The following DLG2 variants were observed in gnomAD, a reference collection of about 807,000 sequenced individuals.
The protein encoded by DLG2 is discs large MAGUK scaffold protein 2, also known as disks large homolog 2.
DLG2 carries 45 observed loss-of-function variants against 132.5 expected under a neutral mutation model. That is an observed-to-expected ratio of 0.34 (90% confidence interval 0.27 to 0.44). DLG2 has a LOEUF of 0.44. DLG2 is among the 20% of genes least tolerant of loss of function. The probability of loss-of-function intolerance (pLI) is 1.00; values close to 1 mark genes in which losing one functional copy is unlikely to be tolerated. For synonymous variants in DLG2, 424 were observed against 419.6 expected, an observed-to-expected ratio of 1.01 and a Z score of -0.13; for missense variants, 1,045 against 1,196.9, an observed-to-expected ratio of 0.87 and a Z score of 1.87.
intron 10 of DLG2, among the ~76,000 whole-genome samples, chr11:84,081,728 T>C (rs1204337238): frequency 6.6e-6 from 1 of 152,230 alleles, no homozygotes. Flanking sequence ...CTGATGGACA[T>C]TTGGGTTGCT....
chr11:84,333,768 C>A (rs2154402559), intron 7 of DLG2, among the ~76,000 whole-genome samples: 1 of 152,288 alleles, frequency 6.6e-6, no homozygotes, highest in East Asian at 1.9e-4. Context: ...GTGTTCAGAT[C>A]TCCTTTAATC....
chr11:84,746,482 G>A (rs985325466), intron 6 of DLG2, among the ~76,000 whole-genome samples: 25 of 151,142 alleles, frequency 1.7e-4, no homozygotes, highest in African/African-American at 5.6e-4. Flanking sequence ...TACAGAGTTA[G>A]AAACGTGAAG....
chr11:84,650,849 A>ATGTG (rs138640341), intron 6 of DLG2, among the ~76,000 whole-genome samples: 7 of 92,708 alleles, frequency 7.6e-5, no homozygotes, highest in Admixed American at 3.9e-4. Context: ...ACTTTCCTGT[A>ATGTG]TGTGTGTGTG....
At chr11:84,271,549 T>C (rs2097722569) in intron 7 of DLG2, among the ~76,000 whole-genome samples, 1 of 152,140 alleles carries the variant, frequency 6.6e-6, no homozygotes. Flanking sequence ...AAGCTAATAA[T>C]GAAAACTGTC....
intron 3 of DLG2, among the ~76,000 whole-genome samples, chr11:85,425,768 T>C (rs1185832808): frequency 6.6e-6 from 1 of 152,090 alleles, no homozygotes; most frequent in Non-Finnish European, 1.5e-5. Flanking sequence ...TTCATCTCAC[T>C]GGGGAGTGTC....
At chr11:84,707,284 G>C (rs2059887321) in intron 6 of DLG2, among the ~76,000 whole-genome samples, 1 of 151,792 alleles carries the variant, frequency 6.6e-6, no homozygotes, top group African/African-American at 2.4e-5. Flanking sequence ...TATCTTTACA[G>C]AGAGATAAAG....
At chr11:83,714,514 A>G (rs2086232367) in intron 18 of DLG2, among the ~76,000 whole-genome samples, 1 of 152,230 alleles carries the variant, frequency 6.6e-6, no homozygotes, top group Non-Finnish European at 1.5e-5. Context: ...CAAACATTCA[A>G]TTCATTTGAA....
intron 3 of DLG2, among the ~76,000 whole-genome samples, chr11:85,447,751 A>G (rs1047142045): frequency 2.0e-5 from 3 of 151,474 alleles, no homozygotes; most frequent in Non-Finnish European, 2.9e-5. Context: ...AAAATTTCTG[A>G]AAAAAAAATT....
chr11:84,908,477 G>T (rs2091760796), intron 6 of DLG2, among the ~76,000 whole-genome samples: 2 of 152,136 alleles, frequency 1.3e-5, no homozygotes, highest in Non-Finnish European at 2.9e-5. Flanking sequence ...CTGCTGGATA[G>T]CCCTAGGGAC....
intron 3 of DLG2, among the ~76,000 whole-genome samples, chr11:85,523,284 TA>T (rs1312827168): frequency 6.6e-6 from 1 of 152,168 alleles, no homozygotes; most frequent in Non-Finnish European, 1.5e-5. Context: ...ACCATGATTA[TA>T]AGTTTCCTTT....
intron 21 of DLG2, among the ~76,000 whole-genome samples, chr11:83,518,548 C>T (rs1434777514): frequency 6.6e-6 from 1 of 152,194 alleles, no homozygotes; most frequent in African/African-American, 2.4e-5. Context: ...CACCCGCTAT[C>T]CGACAATCCC....
At chr11:83,726,215 TAA>T (rs2089973848) in intron 18 of DLG2, among the ~76,000 whole-genome samples, 2 of 152,346 alleles carry the variant, frequency 1.3e-5, no homozygotes, top group African/African-American at 4.8e-5. Context: ...AAAAACATTT[TAA>T]AAGTGTTTTT....
intron 6 of DLG2, among the ~76,000 whole-genome samples, chr11:84,910,758 GAAA>G (rs34120243): frequency 0.092 from 11,796 of 127,810 alleles, 605 homozygotes; most frequent in Non-Finnish European, 0.13. Flanking sequence ...CAAAAAGGAA[GAAA>G]AAACAACAAC....
At chr11:84,942,007 C>T (rs2049501016) in intron 6 of DLG2, among the ~76,000 whole-genome samples, 1 of 152,090 alleles carries the variant, frequency 6.6e-6, no homozygotes, top group South Asian at 2.1e-4. Context: ...GGAATTTTTG[C>T]ATTTCCTCCA....
intron 9 of DLG2, among the ~76,000 whole-genome samples, chr11:84,153,970 A>G (rs1272635488): frequency 1.3e-5 from 2 of 152,102 alleles, no homozygotes; most frequent in African/African-American, 4.8e-5. Flanking sequence ...TTTATCTTAC[A>G]TTGCTATCAC....
chr11:84,549,501 C>A (rs2099397377), intron 6 of DLG2, among the ~76,000 whole-genome samples: 2 of 152,200 alleles, frequency 1.3e-5, no homozygotes, highest in Non-Finnish European at 2.9e-5. Context: ...CAGCAAAATG[C>A]TTCCTCAAGC....
intron 21 of DLG2, among the ~76,000 whole-genome samples, chr11:83,528,145 T>C (rs961585873): frequency 3.9e-5 from 6 of 152,172 alleles, no homozygotes; most frequent in Non-Finnish European, 8.8e-5. Context: ...GGGATCTGCA[T>C]AGGTTGGACT....
intron 3 of DLG2, among the ~76,000 whole-genome samples, chr11:85,323,977 T>A (rs1021704228): frequency 1.3e-5 from 2 of 152,328 alleles, no homozygotes; most frequent in East Asian, 3.9e-4. Context: ...TGTAAGTGGA[T>A]GGTAGTGGGC....
chr11:84,732,811 C>A (rs1274922906), intron 6 of DLG2, among the ~76,000 whole-genome samples: 7 of 147,828 alleles, frequency 4.7e-5, no homozygotes. Flanking sequence ...CCACAACAGG[C>A]CCCGGTGTGT....
Sources: allele counts gnomAD v4.1 joint callset (sites outside exome capture counted in the v4.1 genomes callset), GRCh38; gene constraint gnomAD v4.1.1; transcripts MANE v1.5; gene names NCBI Gene and HGNC (gene_info 2026-07-23, HGNC 2026-07-21).